AMMECR1: variants seen among roughly 807,000 people sequenced by gnomAD.
AMMECR1 encodes the protein AMMECR nuclear protein 1.
AMMECR1 carries 3 observed loss-of-function variants against 22.5 expected under a neutral mutation model. The observed-to-expected ratio is 0.13, with a 90% CI of 0.06 to 0.35. The LOEUF (loss-of-function observed/expected upper bound fraction) is 0.35. Among genes scored for constraint, AMMECR1 ranks in the 10% least tolerant of loss-of-function variants. The probability of loss-of-function intolerance (pLI) is 1.00; values close to 1 mark genes in which losing one functional copy is unlikely to be tolerated. For synonymous variants in AMMECR1, 130 were observed against 116.7 expected (o/e 1.11, Z -0.74); for missense variants, 235 against 278.7 (o/e 0.84, Z 1.12).
intron 2 of AMMECR1, among the ~76,000 whole-genome samples, chrX:110,406,010 G>A (rs1286921552): frequency 9.0e-6 from 1 of 111,692 alleles, no homozygotes; most frequent in African/African-American, 3.3e-5. Flanking sequence ...CCTAGCTGAA[G>A]GGCTTTCTAT....
At chrX:110,390,972 C>A (rs1008810033) in intron 2 of AMMECR1, among the ~76,000 whole-genome samples, 1 of 111,638 alleles carries the variant, frequency 9.0e-6, no homozygotes, top group African/African-American at 3.3e-5. Flanking sequence ...GGTTATTCAG[C>A]GTAGCTTCAT....
chrX:110,435,387 C>T (rs925007434), intron 1 of AMMECR1, among the ~76,000 whole-genome samples: 27 of 112,300 alleles, frequency 2.4e-4, no homozygotes, highest in Non-Finnish European at 4.3e-4. Context: ...CCACTGACTG[C>T]GTCTCCACTG....
At chrX:110,385,011 A>C (rs2068445359) in intron 2 of AMMECR1, among the ~76,000 whole-genome samples, 1 of 111,076 alleles carries the variant, frequency 9.0e-6, no homozygotes, top group Non-Finnish European at 1.9e-5. Context: ...AGACTATCAT[A>C]GTTCCAGCAG....
At chrX:110,302,823 G>A (rs1178311770) in intron 1 of AMMECR1, among the ~76,000 whole-genome samples, 3 of 110,246 alleles carry the variant, frequency 2.7e-5, no homozygotes, top group Admixed American at 9.7e-5. Context: ...GCAGTGAGCC[G>A]AGATCACGCC....
At chrX:110,314,427 G>C (rs1273912550) in intron 1 of AMMECR1, among the ~76,000 whole-genome samples, 1 of 111,764 alleles carries the variant, frequency 8.9e-6, no homozygotes, top group Admixed American at 9.5e-5. Flanking sequence ...CACCTGGTGA[G>C]CTTTTACTAA....
At chrX:110,222,521 C>T (rs1460245603) in intron 2 of AMMECR1, among the ~76,000 whole-genome samples, 3 of 93,728 alleles carry the variant, frequency 3.2e-5, no homozygotes, top group Non-Finnish European at 4.2e-5. Context: ...GGGTGCAGTG[C>T]ACCAGCATGG....
In AMMECR1 at chrX:110,196,377, C is replaced by G. The variant is rs2067370600; in HGVS notation, c.*2143G>C. 9.2e-6 allele frequency: 1 copy of G among 108,702 alleles called. No homozygotes were observed. The allele number at this position is 108,702 out of a possible 1,213,427, so 9.0% of individuals were successfully genotyped here. ...TTGCTTGTTTTATTTACCTTTTTTT[C>G]CTTTTTTTTGTTTTTTGTTTTGTTT... is the stretch of plus-strand genomic sequence containing the variant. On this transcript the variant is annotated 3_prime_UTR_variant, in exon 6 of 6. Transcript: ENST00000262844.
chrX:110,352,684 TTGGAA>T (rs1194302748), intron 2 of AMMECR1, among the ~76,000 whole-genome samples: 1 of 111,950 alleles, frequency 8.9e-6, no homozygotes, highest in African/African-American at 3.3e-5. Context: ...AATTGAACAC[TTGGAA>T]TGGAGAGAGT....
chrX:110,433,259 G>C (rs2068812017), intron 1 of AMMECR1, among the ~76,000 whole-genome samples: 1 of 112,474 alleles, frequency 8.9e-6, no homozygotes, highest in East Asian at 2.8e-4. Flanking sequence ...ACAAAACAGG[G>C]GTAGTGCATA....
At chrX:110,385,479 A>G (rs1373070070) in intron 2 of AMMECR1, among the ~76,000 whole-genome samples, 1 of 111,430 alleles carries the variant, frequency 9.0e-6, no homozygotes, top group African/African-American at 3.3e-5. Flanking sequence ...CCCAAAAAGG[A>G]ATCTCATACC....
At chrX:110,380,289 T>C (rs1461247845) in intron 2 of AMMECR1, among the ~76,000 whole-genome samples, 4 of 111,750 alleles carry the variant, frequency 3.6e-5, no homozygotes, top group East Asian at 2.8e-4. Context: ...AAAGATTTTG[T>C]AGTAGGAAAA....
intron 3 of AMMECR1, among the ~76,000 whole-genome samples, chrX:110,212,364 T>G (rs1456415276): frequency 8.9e-6 from 1 of 111,821 alleles, no homozygotes; most frequent in African/African-American, 3.3e-5. Flanking sequence ...TTGGGACTTC[T>G]AGACTTTGCC....
intron 2 of AMMECR1, among the ~76,000 whole-genome samples, chrX:110,371,750 T>C (rs1216856469): frequency 9.0e-6 from 1 of 111,456 alleles, no homozygotes; most frequent in Non-Finnish European, 1.9e-5. Context: ...ACAGACTTTT[T>C]TTTGGCAGTC....
At chrX:110,199,884 T>C (rs2067388445) in intron 5 of AMMECR1, among the ~76,000 whole-genome samples, 2 of 111,062 alleles carry the variant, frequency 1.8e-5, no homozygotes, top group African/African-American at 6.6e-5. Context: ...CAATTGCCTA[T>C]AGAACCAGGT....
At chrX:110,241,863 A>G (rs1250680579) in intron 2 of AMMECR1, among the ~76,000 whole-genome samples, 1 of 112,015 alleles carries the variant, frequency 8.9e-6, no homozygotes, top group African/African-American at 3.2e-5. Flanking sequence ...TAAGTACTAA[A>G]CATATAATCA....
chrX:110,224,943 TAAAA>T (rs1602794563), intron 2 of AMMECR1: 2 of 349,923 alleles, frequency 5.7e-6, no homozygotes, highest in Admixed American at 5.9e-5. Flanking sequence ...TGTTTTTTTT[TAAAA>T]TTAGTTTTTC....
At chrX:110,378,651 C>A (rs1204095231) in intron 2 of AMMECR1, among the ~76,000 whole-genome samples, 1 of 112,217 alleles carries the variant, frequency 8.9e-6, no homozygotes, top group African/African-American at 3.2e-5. Flanking sequence ...TACTTTCCAG[C>A]ATCAGTGTTT....
At chrX:110,297,404 C>T (rs2067942607) in intron 1 of AMMECR1, among the ~76,000 whole-genome samples, 1 of 111,381 alleles carries the variant, frequency 9.0e-6, no homozygotes, top group Admixed American at 9.6e-5. Flanking sequence ...CAAGGAGCTA[C>T]CACACAGGTC....
intron 1 of AMMECR1, among the ~76,000 whole-genome samples, chrX:110,295,799 T>C (rs2067932634): frequency 1.8e-5 from 2 of 111,695 alleles, no homozygotes; most frequent in African/African-American, 6.5e-5. Context: ...GTCAATAATA[T>C]ACAAAAACTC....
Sources: allele counts gnomAD v4.1 joint callset (sites outside exome capture counted in the v4.1 genomes callset), GRCh38; gene constraint gnomAD v4.1.1; transcripts MANE v1.5; gene names NCBI Gene and HGNC (gene_info 2026-07-23, HGNC 2026-07-21).